Variants in DAGLA observed in about 807,000 individuals in gnomAD.
DAGLA encodes diacylglycerol lipase alpha.
A neutral mutation model predicts 102.6 loss-of-function variants in DAGLA; 22 were observed. The ratio of observed to expected loss-of-function variants is 0.21; its 90% CI spans 0.15 to 0.31. The LOEUF is 0.31. Ranked by LOEUF, DAGLA falls within the 10% of genes least tolerant of loss-of-function variation. The pLI, the probability that DAGLA is intolerant of heterozygous loss-of-function variation, is 1.00. For synonymous variants in DAGLA, 578 were observed against 628.9 expected, an observed-to-expected ratio of 0.92 and a Z score of 1.21; for missense variants, 927 against 1,446.6, an observed-to-expected ratio of 0.64 and a Z score of 5.83.
chr11:61,726,548 G>A (rs1460820750), intron 6 of DAGLA, among the ~76,000 whole-genome samples: 1 of 152,350 alleles, frequency 6.6e-6, no homozygotes, highest in African/African-American at 2.4e-5. Flanking sequence ...CACTGCAGAA[G>A]GAAGACAGGG....
At chr11:61,681,549 T>C (rs1197972694) in intron 1 of DAGLA, among the ~76,000 whole-genome samples, 2 of 151,950 alleles carry the variant, frequency 1.3e-5, no homozygotes, top group African/African-American at 4.8e-5. Flanking sequence ...AGTCACGGGG[T>C]CCTGCCTTCT....
chr11:61,701,730 C>T (rs1284839580), intron 1 of DAGLA, among the ~76,000 whole-genome samples: 3 of 152,124 alleles, frequency 2.0e-5, no homozygotes, highest in South Asian at 4.1e-4. Context: ...GTCTCACCCC[C>T]GAGCCTGCTG....
In DAGLA at chr11:61,741,236, G is replaced by C; in HGVS notation, c.2058G>C (p.Val686=). 1 of 1,613,516 alleles carries C rather than the reference G, an allele frequency of 6.2e-7. No individual in the cohort carries two copies. The highest frequency in any genetic ancestry group is 8.5e-7 in the Non-Finnish European group (1 of 1,180,016). The change falls in exon 19 of 20, where the codon GTG becomes GTC. Residue 686 remains valine (V), a synonymous_variant. Coordinates refer to ENST00000257215, the MANE Select transcript of DAGLA (RefSeq NM_006133.3). ...AAKVMVSPTE[V]DLTPELIFQQ... ...AGGTCATGGTGAGCCCTACCGAGGT[G>C]GACCTGACTCCTGAGCTCATCTTCC...
chr11:61,739,110 C>G (rs1041939808), intron 16 of DAGLA, among the ~76,000 whole-genome samples: 11 of 152,216 alleles, frequency 7.2e-5, no homozygotes, highest in African/African-American at 2.7e-4. Flanking sequence ...TGTGTTTGGC[C>G]TCGGACTTGT....
chr11:61,741,607 CTTTTT>C (rs34881719), intron 19 of DAGLA, among the ~76,000 whole-genome samples: 1 of 132,018 alleles, frequency 7.6e-6, no homozygotes, highest in Non-Finnish European at 1.6e-5. Context: ...CAGATTCACT[CTTTTT>C]TTTTTTTTTT....
At chr11:61,682,371 C>A (rs1170803070) in intron 1 of DAGLA, among the ~76,000 whole-genome samples, 1 of 151,956 alleles carries the variant, frequency 6.6e-6, no homozygotes, top group African/African-American at 2.4e-5. Context: ...AGGAAGGGAG[C>A]CGGAAGGTTG....
intron 1 of DAGLA, among the ~76,000 whole-genome samples, chr11:61,700,964 T>G (rs1172330819): frequency 6.6e-6 from 1 of 152,238 alleles, no homozygotes; most frequent in East Asian, 1.9e-4. Flanking sequence ...CTGGTGTTCT[T>G]GCAATCCCAC....
intron 19 of DAGLA, among the ~76,000 whole-genome samples, chr11:61,742,508 G>A (rs551896815): frequency 2.6e-5 from 4 of 152,294 alleles, no homozygotes; most frequent in East Asian, 1.9e-4. Flanking sequence ...TTCCGGCTGC[G>A]GTGACTGCTG....
rs145945012 is a variant in DAGLA at position 61,723,100 on chromosome 11, C to A, written c.409+140C>A. 159 of 741,362 alleles carry A rather than the reference C, an allele frequency of 2.1e-4. No homozygotes were observed. In the African/African-American group the frequency reaches 2.4e-3, roughly 11 times the overall value. The allele number at this position is 741,362 out of a possible 1,614,324, so 45.9% of individuals were successfully genotyped here. ...GCACCAGCAGGTTGGCTGGGCGAGA[C>A]TGCTTCCCTCACCCTTGAGGCCTGC... is the stretch of plus-strand genomic sequence containing the variant. On this transcript the variant is annotated intron_variant, in intron 4 of 19. Transcript: ENST00000257215.
intron 1 of DAGLA, among the ~76,000 whole-genome samples, chr11:61,682,006 G>A (rs947764034): frequency 2.0e-5 from 3 of 151,236 alleles, no homozygotes; most frequent in Non-Finnish European, 4.4e-5. Flanking sequence ...TGCTGGGGAA[G>A]GCACTTATGA....
At chr11:61,731,946 G>A (rs550865127) in intron 9 of DAGLA, among the ~76,000 whole-genome samples, 11 of 152,288 alleles carry the variant, frequency 7.2e-5, no homozygotes, top group Admixed American at 2.6e-4. Flanking sequence ...CTTTGAAAAG[G>A]CACCAAGAAG....
chr11:61,729,084 T>C (rs1439538592), intron 8 of DAGLA, 76 bp downstream of exon 8: 4 of 1,319,760 alleles, frequency 3.0e-6, no homozygotes, highest in Non-Finnish European at 4.3e-6. Context: ...AGCAAACTCC[T>C]CCCAGCTGCC....
chr11:61,723,625 A>G (rs566009), intron 5 of DAGLA, 53 bp downstream of exon 5: 1,588,707 of 1,595,834 alleles, frequency 1, 791,060 homozygotes, highest in East Asian at 1. Context: ...CTGTCTGGTG[A>G]GCAGAGGTCT....
Position 61,741,205 on chromosome 11 carries a change from C to T in DAGLA, c.2027C>T (p.Ala676Val). The change falls in exon 19 of 20, where the codon GCA becomes GTA. Residue 676 changes from alanine (A) to valine (V), a missense_variant. Ala to Val is a moderately conservative substitution (Grantham distance 64). Coordinates refer to ENST00000257215, the MANE Select transcript of DAGLA (RefSeq NM_006133.3). ...YNKGKTALLS[A>V]AKVMVSPTEV... is the part of the protein sequence containing the mutation. ...AAGGGGAAGACCGCTCTGCTCTCTG[C>T]AGCCAAGGTCATGGTGAGCCCTACC... 6.2e-7 allele frequency: 1 copy of T among 1,613,632 alleles called. No homozygotes were observed. Among genetic ancestry groups the T allele is most frequent in the Non-Finnish European group, 8.5e-7 (1 of 1,180,004 alleles).
intron 4 of DAGLA, 35 bp from the exon 5 acceptor site, chr11:61,723,399 C>T (rs771628088): frequency 1.2e-5 from 20 of 1,600,052 alleles, no homozygotes; most frequent in East Asian, 9.0e-5. Context: ...GTGTCCCCAG[C>T]GCCCCTACCT....
intron 2 of DAGLA, 134 bp downstream of exon 2, chr11:61,720,384 TGCCTGAAACATCTA>T: frequency 1.2e-6 from 1 of 868,216 alleles, no homozygotes; most frequent in Non-Finnish European, 1.8e-6. Flanking sequence ...CCGGAGGAGG[TGCCTGAAACATCTA>T]GCCCCTTAGG....
chr11:61,727,821 G>A (rs1329875338), intron 6 of DAGLA, among the ~76,000 whole-genome samples: 2 of 152,190 alleles, frequency 1.3e-5, no homozygotes, highest in Non-Finnish European at 1.5e-5. Flanking sequence ...AGAGCCACCC[G>A]GCCTTGATTC....
At chr11:61,725,553 G>C (rs1183645166) in intron 5 of DAGLA, among the ~76,000 whole-genome samples, 3 of 152,204 alleles carry the variant, frequency 2.0e-5, no homozygotes, top group Non-Finnish European at 4.4e-5. Context: ...GTCTGTTCCA[G>C]GCCTTAGAAT....
At chr11:61,736,476 A>G (rs1029056940) in intron 13 of DAGLA, 126 bp downstream of exon 13, 14 of 791,530 alleles carry the variant, frequency 1.8e-5, no homozygotes, top group African/African-American at 3.4e-5. Context: ...GGCTCCTGCA[A>G]TCCCTTCCAG....
Sources: allele counts gnomAD v4.1 joint callset (sites outside exome capture counted in the v4.1 genomes callset), GRCh38; gene constraint gnomAD v4.1.1; transcripts MANE v1.5; gene names NCBI Gene and HGNC (gene_info 2026-07-23, HGNC 2026-07-21).